Variants in PTPRM observed in about 807,000 individuals in gnomAD.
PTPRM encodes receptor-type tyrosine-protein phosphatase mu.
In PTPRM, 47 loss-of-function variants were observed where a neutral mutation model predicts 186.7. The observed-to-expected ratio is 0.25, with a 90% confidence interval of 0.20 to 0.32. PTPRM has a LOEUF of 0.32. PTPRM is among the 10% of genes least tolerant of loss of function. The probability of loss-of-function intolerance (pLI) is 1.00; values close to 1 mark genes in which losing one functional copy is unlikely to be tolerated. For synonymous variants in PTPRM, 668 were observed against 674.9 expected, an observed-to-expected ratio of 0.99 and a Z score of 0.16; for missense variants, 1,494 against 1,865.0, an observed-to-expected ratio of 0.80 and a Z score of 3.66.
At chr18:8,006,639 C>A (rs540440539) in intron 7 of PTPRM, among the ~76,000 whole-genome samples, 2 of 152,276 alleles carry the variant, frequency 1.3e-5, no homozygotes, top group African/African-American at 4.8e-5. Flanking sequence ...CTTATATTCC[C>A]AAAACCATGG....
At chr18:8,216,128 T>C (rs1005034) in intron 14 of PTPRM, among the ~76,000 whole-genome samples, 71,925 of 151,962 alleles carry the variant, frequency 0.47, 17,504 homozygotes, top group East Asian at 0.74. Context: ...TTTTTTATTT[T>C]TTCCCTTCTT....
rs1017107625 is a variant in PTPRM at position 7,567,589 on chromosome 18, A to G, written c.-230A>G. 7.6e-6 allele frequency: 3 copies of G among 396,434 alleles called. No individual in the cohort carries two copies. The highest frequency in any genetic ancestry group is 1.3e-5 in the Non-Finnish European group (3 of 225,860). 24.6% of individuals were successfully genotyped at this position (396,434 alleles called of 1,614,324 possible). On this transcript the variant is annotated 5_prime_UTR_variant, in exon 1 of 33. Transcript: ENST00000580170. This position sits in a 1 kb window ranked among gnomAD's most constrained non-coding sequence, Gnocchi z 4.3. The stretch of plus-strand genomic sequence containing the variant: ...CCGCTCCCTCTGCCAGCGGCGCCAG[A>G]CGCCGAGTGGGGCCAGGGACAGGGG...
chr18:7,758,127 TG>T (rs1208406631), intron 1 of PTPRM, among the ~76,000 whole-genome samples: 1 of 152,198 alleles, frequency 6.6e-6, no homozygotes, highest in African/African-American at 2.4e-5. Context: ...CCAGTGATTC[TG>T]ATGCAGGTGG....
At chr18:8,399,171 G>T (rs1376327977) in intron 32 of PTPRM, among the ~76,000 whole-genome samples, 1 of 152,212 alleles carries the variant, frequency 6.6e-6, no homozygotes, top group Non-Finnish European at 1.5e-5. Flanking sequence ...AGCTTGAGAA[G>T]GCAGAGACAG....
intron 14 of PTPRM, among the ~76,000 whole-genome samples, chr18:8,198,009 G>A (rs1241833894): frequency 6.6e-6 from 1 of 152,138 alleles, no homozygotes; most frequent in Non-Finnish European, 1.5e-5. Flanking sequence ...AGCCACCCTT[G>A]CTCTCTCCCA....
intron 20 of PTPRM, among the ~76,000 whole-genome samples, chr18:8,300,685 T>C (rs145634309): frequency 1.3e-5 from 2 of 152,142 alleles, no homozygotes; most frequent in African/African-American, 4.8e-5. Context: ...ACCCATGACC[T>C]CTGGGGCTAC....
rs138359940 is a variant in PTPRM, at chr18:7,924,102, C to T, written c.548-2466C>T. Among the ~76,000 whole-genome samples, 400 of 152,198 alleles carry T rather than the reference C, an allele frequency of 2.6e-3. 2 individuals are homozygous for T. Among genetic ancestry groups the T allele is most frequent in the African/African-American group, 9.1e-3 (379 of 41,522 alleles). ...CCAGAAGGCAGCCAGTTGTGATTTC[C>T]GGGTGTTGGATTTGAAGCGTCTTCA... On this transcript the variant is annotated intron_variant, in intron 4 of 32. Transcript: ENST00000580170.
At chr18:7,926,182 C>A (rs1479170636) in intron 4 of PTPRM, among the ~76,000 whole-genome samples, 1 of 152,174 alleles carries the variant, frequency 6.6e-6, no homozygotes, top group Admixed American at 6.5e-5. Flanking sequence ...CTGTTCTTTT[C>A]ATGTTGCTGG....
At chr18:8,186,281 G>A (rs943113918) in intron 14 of PTPRM, among the ~76,000 whole-genome samples, 3 of 146,894 alleles carry the variant, frequency 2.0e-5, no homozygotes, top group African/African-American at 7.6e-5. Flanking sequence ...AGCGGAGATC[G>A]TGCCACTGCA....
chr18:8,088,829 C>A lies in PTPRM; in HGVS notation c.1834C>A (p.His612Asn). The A allele has an allele frequency of 1.2e-6, 2 of 1,611,552 alleles. No homozygotes were observed. The highest frequency in any genetic ancestry group is 1.7e-6 in the Non-Finnish European group (2 of 1,177,992). Residue 612 changes from histidine to asparagine, a missense_variant, in exon 11 of 33, where the codon CAC becomes AAC. Physicochemically the swap from His to Asn is moderately conservative, Grantham distance 68. This residue lies in a region of PTPRM where 1,107 missense variants were observed against 1,350.2 expected (regional missense o/e 0.82). Transcript: ENST00000580170. ...NTVTVMLKPAHSRGAPVSVYQ... is the reference protein window; with the variant it reads ...NTVTVMLKPANSRGAPVSVYQ... ...CGTGACAGTCATGCTGAAACCTGCC[C>A]ACAGCAGAGGAGCACCTGTCAGGTA...
intron 1 of PTPRM, among the ~76,000 whole-genome samples, chr18:7,639,058 AT>A (rs2038383600): frequency 6.6e-6 from 1 of 151,976 alleles, no homozygotes; most frequent in Non-Finnish European, 1.5e-5. Context: ...TAGATATCTC[AT>A]TTCCATTTTT....
chr18:8,166,894 G>A (rs1443985730), intron 14 of PTPRM, among the ~76,000 whole-genome samples: 2 of 152,120 alleles, frequency 1.3e-5, no homozygotes, highest in African/African-American at 4.8e-5. Context: ...ATAGACCTAG[G>A]CAAAGATAGA....
chr18:7,965,939 G>A (rs1407056965), intron 7 of PTPRM, among the ~76,000 whole-genome samples: 1 of 152,186 alleles, frequency 6.6e-6, no homozygotes, highest in African/African-American at 2.4e-5. Flanking sequence ...TAAGGATAAT[G>A]CTGCTTGTGC....
At chr18:8,383,108 G>T (rs533351573) in intron 29 of PTPRM, among the ~76,000 whole-genome samples, 3 of 151,822 alleles carry the variant, frequency 2.0e-5, no homozygotes, top group South Asian at 2.1e-4. Context: ...GACCATCCTG[G>T]CCAACATGGT....
intron 7 of PTPRM, among the ~76,000 whole-genome samples, chr18:7,980,558 A>C (rs544874358): frequency 6.6e-6 from 1 of 151,642 alleles, no homozygotes; most frequent in East Asian, 2.0e-4. Context: ...TAATTTTTAA[A>C]ATTTTTGTAG....
chr18:8,332,776 T>A (rs939805333), intron 22 of PTPRM, among the ~76,000 whole-genome samples: 1 of 152,232 alleles, frequency 6.6e-6, no homozygotes, highest in African/African-American at 2.4e-5. Flanking sequence ...AAGAGATGTG[T>A]CATTGTGTGG....
At chr18:8,358,241 CAT>C (rs2095574814) in intron 23 of PTPRM, among the ~76,000 whole-genome samples, 1 of 111,348 alleles carries the variant, frequency 9.0e-6, no homozygotes, top group African/African-American at 3.4e-5. Context: ...AATGTATGCA[CAT>C]GACACGCACA....
chr18:8,198,689 G>A lies in PTPRM; in HGVS notation c.2301-45369G>A, dbSNP rs144547773. ...CATCTGTCTTTCTTAATGACGAACC[G>A]ACGGCTTTCCACCTTACCCTTTTGG... On this transcript the variant is annotated intron_variant, in intron 14 of 32. Transcript: ENST00000580170. Among the ~76,000 whole-genome samples, 33 of 152,160 alleles carry A rather than the reference G, an allele frequency of 2.2e-4. No homozygotes were observed. In the East Asian group the frequency reaches 4.6e-3, roughly 21 times the overall value.
intron 8 of PTPRM, among the ~76,000 whole-genome samples, chr18:8,074,917 T>G (rs2089713100): frequency 6.6e-6 from 1 of 152,208 alleles, no homozygotes; most frequent in Non-Finnish European, 1.5e-5. Context: ...TATCTAGATT[T>G]TCTTTCATTG....
Sources: gnomAD v4.1 joint callset for allele counts (sites outside exome capture counted in the v4.1 genomes callset) on GRCh38, gnomAD v4.1.1 for gene constraint, gnomAD v4.1.1 regional missense constraint, Gnocchi (gnomAD v3.1) non-coding constraint, MANE v1.5 for transcripts, NCBI Gene and HGNC (gene_info 2026-07-23, HGNC 2026-07-21) for gene names.